Variants in CEP83 observed in about 807,000 individuals in gnomAD.
CEP83 encodes centrosomal protein of 83 kDa.
CEP83 carries 70 observed loss-of-function variants against 101.9 expected under a neutral mutation model. The observed-to-expected ratio is 0.69, with a 90% CI of 0.57 to 0.84. The LOEUF (loss-of-function observed/expected upper bound fraction) is 0.84. Ranked by LOEUF, CEP83 falls within the 40% of genes least tolerant of loss-of-function variation. The pLI is 0.00. For synonymous variants in CEP83, 264 were observed against 267.9 expected (o/e 0.99, Z 0.14); for missense variants, 715 against 787.2 (o/e 0.91, Z 1.10).
At chr12:94,422,802 C>T (rs2064864741) in intron 2 of CEP83, among the ~76,000 whole-genome samples, 1 of 152,214 alleles carries the variant, frequency 6.6e-6, no homozygotes, top group Non-Finnish European at 1.5e-5. Flanking sequence ...CTTTTTAAGG[C>T]TAAATAGCAT....
the CEP83 span, among the ~76,000 whole-genome samples, chr12:94,283,288 G>A: frequency 2.6e-5 from 4 of 152,192 alleles, no homozygotes; most frequent in Non-Finnish European, 5.9e-5. Context: ...TAGCCAGACT[G>A]GGCTAGGGTG....
chr12:94,433,238 T>C (rs902266548), intron 2 of CEP83, among the ~76,000 whole-genome samples: 1 of 152,104 alleles, frequency 6.6e-6, no homozygotes, highest in Non-Finnish European at 1.5e-5. Flanking sequence ...CACATTTACA[T>C]TTCAGAAAAA....
In CEP83 at chr12:94,412,445, A is replaced by T. The variant is rs757014926; in HGVS notation, c.46T>A (p.Phe16Ile). The change falls in exon 3 of 17, where the codon TTT (phenylalanine) becomes ATT (isoleucine). Residue 16 changes from phenylalanine (F) to isoleucine (I), a missense_variant. Physicochemically the swap from Phe to Ile is conservative, Grantham distance 21. Coordinates refer to ENST00000397809, the MANE Select transcript of CEP83 (RefSeq NM_016122.3). Reference protein sequence around the residue: ...FTDMDTFPNNFPPGGDSGLTG... With the variant: ...FTDMDTFPNNIPPGGDSGLTG... ...AATCCACTGTCTCCACCAGGAGGAAAATTATTGGGAAAAGTGTCCATATCG... is the reference window on the plus strand; with the variant it reads ...AATCCACTGTCTCCACCAGGAGGAATATTATTGGGAAAAGTGTCCATATCG... 3.1e-6 allele frequency: 5 copies of T among 1,612,418 alleles called. No individual in the cohort carries two copies. Among genetic ancestry groups the T allele is most frequent in the Non-Finnish European group, 4.2e-6 (5 of 1,179,400 alleles).
At chr12:94,273,708 C>G in the CEP83 span, among the ~76,000 whole-genome samples, 8 of 152,174 alleles carry the variant, frequency 5.3e-5, no homozygotes, top group African/African-American at 1.9e-4. Flanking sequence ...TTTGTATCAC[C>G]TACAGTGCCC....
intron 14 of CEP83, among the ~76,000 whole-genome samples, chr12:94,315,493 T>C (rs1481934202): frequency 1.3e-5 from 2 of 152,126 alleles, no homozygotes; most frequent in Admixed American, 6.6e-5. Flanking sequence ...ATGTCAGATA[T>C]ATATGTATTG....
chr12:94,279,500 C>G, the CEP83 span: 1 of 1,613,448 alleles, frequency 6.2e-7, no homozygotes, highest in African/African-American at 1.3e-5. Flanking sequence ...GAAAAAATCC[C>G]GGAAAACGAG....
intron 11 of CEP83, among the ~76,000 whole-genome samples, chr12:94,363,265 T>C (rs939005175): frequency 6.6e-6 from 1 of 152,180 alleles, no homozygotes; most frequent in Non-Finnish European, 1.5e-5. Context: ...ATTGTATACG[T>C]GAATCAAAAT....
intron 14 of CEP83, among the ~76,000 whole-genome samples, chr12:94,330,853 T>C (rs943279116): frequency 1.3e-5 from 2 of 152,298 alleles, no homozygotes; most frequent in African/African-American, 2.4e-5. Flanking sequence ...CTGACTTACA[T>C]ACAAAATTTA....
intron 11 of CEP83, among the ~76,000 whole-genome samples, chr12:94,337,858 G>C (rs2059517636): frequency 6.6e-6 from 1 of 152,114 alleles, no homozygotes; most frequent in South Asian, 2.1e-4. Flanking sequence ...TTTCAAAATA[G>C]AAAGGGAGGA....
the CEP83 span, chr12:94,279,811 C>G: frequency 1.5e-5 from 11 of 726,692 alleles, no homozygotes; most frequent in African/African-American, 1.7e-4. Context: ...CAAGAGACTG[C>G]TTTGGTCTCT....
At chr12:94,423,913 T>A (rs2064983145) in intron 2 of CEP83, 14 of 1,610,412 alleles carry the variant, frequency 8.7e-6, no homozygotes, top group Non-Finnish European at 1.1e-5. Context: ...TATACATGCC[T>A]GTGCTGCTGA....
chr12:94,320,443 GT>G (rs2058699174), intron 14 of CEP83, among the ~76,000 whole-genome samples: 1 of 151,890 alleles, frequency 6.6e-6, no homozygotes, highest in Non-Finnish European at 1.5e-5. Context: ...TGGCTCATCT[GT>G]GTACTTAAGT....
In CEP83 at chr12:94,364,615, C is replaced by T. The variant is rs76793931; in HGVS notation, c.1343+3179G>A. 3.6e-3 allele frequency among the ~76,000 whole-genome samples: 551 copies of T among 152,134 alleles called. 5 individuals carry two copies. The highest frequency in any genetic ancestry group is 0.012 in the African/African-American group (514 of 41,496). ...CTCCAGCCTGGGCAACAAAGAAAGA[C>T]TCTGTCTCTAAATAAAAATTAAAAC... On this transcript the variant is annotated intron_variant, in intron 11 of 16. Coordinates refer to ENST00000397809, the MANE Select transcript of CEP83 (RefSeq NM_016122.3).
the CEP83 span, among the ~76,000 whole-genome samples, chr12:94,284,087 G>GAAAAAAAA: frequency 1.2e-5 from 1 of 82,696 alleles, no homozygotes; most frequent in Admixed American, 1.4e-4. Flanking sequence ...CATGTCAGGG[G>GAAAAAAAA]AAAAAAAAAA....
chr12:94,339,436 G>A (rs186856042), intron 11 of CEP83, among the ~76,000 whole-genome samples: 1 of 152,260 alleles, frequency 6.6e-6, no homozygotes, highest in East Asian at 1.9e-4. Flanking sequence ...CTAGCAACAT[G>A]TTGCTAGTGC....
At chr12:94,335,791 C>A in intron 11 of CEP83, 127 bp from the exon 12 acceptor site, 1 of 654,182 alleles carries the variant, frequency 1.5e-6, no homozygotes, top group South Asian at 1.8e-5. Context: ...AAGATTGAGA[C>A]TTCAAGAAAC....
chr12:94,316,488 G>GTTTGTTTTATAGGTAAACTCATGTGCAGA, intron 14 of CEP83, among the ~76,000 whole-genome samples: 1 of 152,004 alleles, frequency 6.6e-6, no homozygotes, highest in East Asian at 1.9e-4. Flanking sequence ...ACATGTGCAG[G>GTTTGTTTTATAGGTAAACTCATGTGCAGA]TTTGTTTTAT....
chr12:94,423,788 T>G (rs941862589), intron 2 of CEP83: 2 of 1,613,716 alleles, frequency 1.2e-6, no homozygotes, highest in East Asian at 4.5e-5. Context: ...TCTGAGGGTG[T>G]GTCCACTGCC....
chr12:94,430,324 G>A (rs2065523067), intron 2 of CEP83, among the ~76,000 whole-genome samples: 1 of 151,740 alleles, frequency 6.6e-6, no homozygotes, highest in Admixed American at 6.6e-5. Context: ...TGATTTTAAA[G>A]AAGCTCAGTG....
Sources: gnomAD v4.1 joint callset for allele counts (sites outside exome capture counted in the v4.1 genomes callset) on GRCh38, gnomAD v4.1.1 for gene constraint, MANE v1.5 for transcripts, NCBI Gene and HGNC (gene_info 2026-07-23, HGNC 2026-07-21) for gene names.